HIBCH: variants seen among roughly 807,000 people sequenced by gnomAD.
The protein encoded by HIBCH is 3-hydroxyisobutyryl-CoA hydrolase.
Under a neutral mutation model 58.2 loss-of-function variants are expected in HIBCH, and 50 were observed. The ratio of observed to expected loss-of-function variants is 0.86; its 90% CI spans 0.68 to 1.09. The LOEUF (loss-of-function observed/expected upper bound fraction) is 1.09, where lower values mean the gene tolerates loss of function less well. Among genes scored for constraint, HIBCH ranks in the 50% least tolerant of loss-of-function variants. HIBCH has a pLI of 0.00. For missense variants in HIBCH, 450 were observed against 449.7 expected (o/e 1.00, Z -0.01); for synonymous variants, 151 against 146.9 (o/e 1.03, Z -0.20).
At chr2:190,199,926 T>A (rs1690167877), downstream of HIBCH, 1 of 1,613,958 alleles carries the variant, frequency 6.2e-7, no homozygotes, top group Non-Finnish European at 8.5e-7. Flanking sequence ...AGAAGCAGCA[T>A]GAGAGTGAAG....
At chr2:190,288,030 G>A (rs1687874241) in intron 5 of HIBCH, among the ~76,000 whole-genome samples, 1 of 151,900 alleles carries the variant, frequency 6.6e-6, no homozygotes, top group South Asian at 2.1e-4. Context: ...AGGCACCTGT[G>A]CTCCCAGCTG....
At chr2:190,244,785 G>A (rs1686556480) in intron 11 of HIBCH, 102 bp downstream of exon 11, 1 of 818,480 alleles carries the variant, frequency 1.2e-6, no homozygotes, top group East Asian at 2.4e-5. Context: ...ACAATGCATG[G>A]GCTATGTCAC....
intron 11 of HIBCH, among the ~76,000 whole-genome samples, chr2:190,227,791 C>A (rs952176753): frequency 2.8e-4 from 43 of 152,104 alleles, no homozygotes; most frequent in Non-Finnish European, 5.9e-5. Flanking sequence ...ATGCAGCCAA[C>A]AGACACATGA....
intron 11 of HIBCH, among the ~76,000 whole-genome samples, chr2:190,229,498 T>C (rs1686025222): frequency 6.6e-6 from 1 of 152,228 alleles, no homozygotes; most frequent in Non-Finnish European, 1.5e-5. Context: ...AAATTCACTA[T>C]TTCTAAAAAC....
Position 190,233,445 on chromosome 2 carries a change from T to G in HIBCH, c.891+11442A>C, listed in dbSNP as rs567146825. Among the ~76,000 whole-genome samples, 8 of 152,326 alleles carry G rather than the reference T, an allele frequency of 5.3e-5. No homozygotes were observed. In the East Asian group the frequency reaches 1.5e-3, roughly 29 times the overall value. On this transcript the variant is annotated intron_variant, in intron 11 of 13. Transcript: ENST00000359678. ...GATAGTGAATAAGTCTCACAAGATC[T>G]GATGGTTTTATAAAAAGGAGTTTCC...
At chr2:190,305,039 T>G (rs1220149453) in intron 2 of HIBCH, among the ~76,000 whole-genome samples, 3 of 152,208 alleles carry the variant, frequency 2.0e-5, no homozygotes, top group Non-Finnish European at 4.4e-5. Context: ...TAAAACTTTT[T>G]CAATGTAATT....
intron 2 of HIBCH, among the ~76,000 whole-genome samples, chr2:190,297,174 C>T (rs12471365): frequency 0.012 from 1,757 of 152,290 alleles, 73 homozygotes; most frequent in Admixed American, 0.068. Flanking sequence ...TCTGAGCTAA[C>T]TGAATAAGCT....
intron 6 of HIBCH, 70 bp downstream of exon 6, chr2:190,287,516 G>T: frequency 9.9e-7 from 1 of 1,008,416 alleles, no homozygotes; most frequent in Non-Finnish European, 1.6e-6. Context: ...GCTCACTTCT[G>T]TTTAATAATT....
At position 190,290,068 on chromosome 2, in the gene HIBCH, G is replaced by A. The variant is rs567832656; in HGVS notation, c.385+337C>T. ...TGATTTTTGTATTTTTAGTAGAGAC[G>A]GGGTTTCAGCACGTTGGCCAGGCTG... On this transcript the variant is annotated intron_variant, in intron 5 of 13. Coordinates refer to ENST00000359678, the MANE Select transcript of HIBCH (RefSeq NM_014362.4). 1.1e-4 allele frequency among the ~76,000 whole-genome samples: 17 copies of A among 152,082 alleles called. No individual in the cohort carries two copies. In the South Asian group the frequency reaches 2.9e-3, roughly 26 times the overall value.
intron 1 of HIBCH, among the ~76,000 whole-genome samples, chr2:190,196,811 TA>T (rs1276992259): frequency 6.6e-6 from 1 of 152,192 alleles, no homozygotes; most frequent in Non-Finnish European, 1.5e-5. Context: ...TTTTGTGCTA[TA>T]ATAGCAGAGC....
intron 4 of HIBCH, among the ~76,000 whole-genome samples, chr2:190,293,492 A>C (rs1430972986): frequency 6.6e-6 from 1 of 152,098 alleles, no homozygotes; most frequent in Admixed American, 6.5e-5. Flanking sequence ...TAATAAAAAA[A>C]CGCATGTTGT....
At chr2:190,283,198 C>A (rs544065113) in intron 6 of HIBCH, among the ~76,000 whole-genome samples, 1 of 152,282 alleles carries the variant, frequency 6.6e-6, no homozygotes, top group East Asian at 1.9e-4. Context: ...ATGTTCAATT[C>A]TTTGCCTTCT....
intron 1 of HIBCH, among the ~76,000 whole-genome samples, chr2:190,198,084 TTTAAAA>T (rs1690062141): frequency 6.6e-6 from 1 of 152,170 alleles, no homozygotes. Flanking sequence ...TTGTTTCCCT[TTTAAAA>T]TTAACATCTC....
At chr2:190,295,680 T>C (rs773400690) in intron 3 of HIBCH, among the ~76,000 whole-genome samples, 7 of 152,390 alleles carry the variant, frequency 4.6e-5, no homozygotes, top group Admixed American at 2.6e-4. Context: ...TTAATAGAGA[T>C]GTTATTCTAA....
At position 190,306,280 on chromosome 2, in the gene HIBCH, C is replaced by T. The variant is rs181961537; in HGVS notation, c.78+4474G>A. Among the ~76,000 whole-genome samples the T allele has an allele frequency of 1.7e-3, 262 of 152,252 alleles. 1 individual carries two copies. Among genetic ancestry groups the T allele is most frequent in the African/African-American group, 6.1e-3 (253 of 41,556 alleles). On this transcript the variant is annotated intron_variant, in intron 2 of 13. Coordinates refer to ENST00000359678, the MANE Select transcript of HIBCH (RefSeq NM_014362.4). This position sits in a 1 kb window ranked among gnomAD's most constrained non-coding sequence, Gnocchi z 4.6. ...CTGGAAATTTCTCTGTACCTTACTGCTGGGTGTGCTATGAATAGGTATGCC... is the reference window on the plus strand; with the variant it reads ...CTGGAAATTTCTCTGTACCTTACTGTTGGGTGTGCTATGAATAGGTATGCC...
intron 11 of HIBCH, among the ~76,000 whole-genome samples, chr2:190,229,394 G>GT (rs936697869): frequency 2.0e-5 from 3 of 152,190 alleles, no homozygotes; most frequent in Admixed American, 2.0e-4. Context: ...ATACATGGGT[G>GT]TAATTTTGCT....
At chr2:190,261,286 A>G in intron 6 of HIBCH, 52 bp from the exon 7 acceptor site, 1 of 1,267,700 alleles carries the variant, frequency 7.9e-7, no homozygotes, top group Non-Finnish European at 1.2e-6. Context: ...CATATTGTTA[A>G]AAAACAAGCA....
chr2:190,244,854 G>C lies in HIBCH; in HGVS notation c.891+33C>G, dbSNP rs747570655. 5 of 1,393,926 alleles carry C rather than the reference G, an allele frequency of 3.6e-6. No individual in the cohort carries two copies. The South Asian group carries it at 5.8e-5, about 16-fold the overall frequency. 86.3% of individuals were successfully genotyped at this position (1,393,926 alleles called of 1,614,324 possible). A position where few individuals can be genotyped will look rare whatever the true frequency, so the allele number is the denominator to read the frequency against. On this transcript the variant is annotated intron_variant, in intron 11 of 13. Coordinates refer to ENST00000359678, the MANE Select transcript of HIBCH (RefSeq NM_014362.4). ...CTTCCCTGTCACCGGACTTCACTAT[G>C]TTCACTCAGGGCAGAAAGGATTCCA...
rs1687890064 is a variant in HIBCH, at chr2:190,288,734, G to A, written c.386-1096C>T. Among the ~76,000 whole-genome samples the A allele has an allele frequency of 1.3e-5, 2 of 152,084 alleles. 1 individual carries two copies. The highest frequency in any genetic ancestry group is 4.1e-4 in the South Asian group (2 of 4,832). On this transcript the variant is annotated intron_variant, in intron 5 of 13. Transcript: ENST00000359678. ...TAAAAGCTAAAAAACAAAAGGAATT[G>A]GAAAGCTTAAAAAGCAGCGGCCTCT...
Sources: allele counts gnomAD v4.1 joint callset (sites outside exome capture counted in the v4.1 genomes callset), GRCh38; gene constraint gnomAD v4.1.1; non-coding constraint Gnocchi (gnomAD v3.1); transcripts MANE v1.5; gene names NCBI Gene and HGNC (gene_info 2026-07-23, HGNC 2026-07-21).